Variants in PDGFD observed in about 807,000 individuals in gnomAD.
The protein encoded by PDGFD is platelet-derived growth factor D.
PDGFD carries 30 observed loss-of-function variants against 44.7 expected under a neutral mutation model. The ratio of observed to expected loss-of-function variants is 0.67; its 90% CI spans 0.50 to 0.91. The LOEUF (loss-of-function observed/expected upper bound fraction) is 0.91, where lower values mean the gene tolerates loss of function less well. Among genes scored for constraint, PDGFD ranks in the 40% least tolerant of loss-of-function variants. The pLI is 0.00. For missense variants in PDGFD, 445 were observed against 457.8 expected (o/e 0.97, Z 0.25); for synonymous variants, 173 against 168.4 (o/e 1.03, Z -0.21).
rs1862431766 is a variant in PDGFD, at chr11:104,164,034, G to C, written c.-107C>G. ...CTCTCGCCGCCTGCGCTCGCCCTGC[G>C]CTGGCCCGGGTCGCTGTGCTAATCG... On this transcript the variant is annotated 5_prime_UTR_variant, in exon 1 of 7. Transcript: ENST00000393158. 1 of 1,280,408 alleles carries C rather than the reference G, an allele frequency of 7.8e-7. No homozygotes were observed. 79.3% of individuals were successfully genotyped at this position (1,280,408 alleles called of 1,614,324 possible).
At chr11:104,044,489 T>A (rs989881032) in intron 1 of PDGFD, among the ~76,000 whole-genome samples, 2 of 152,098 alleles carry the variant, frequency 1.3e-5, no homozygotes, top group African/African-American at 2.4e-5. Flanking sequence ...TAAAAAAAGG[T>A]AAAAGTAAAT....
intron 1 of PDGFD, among the ~76,000 whole-genome samples, chr11:104,004,290 T>C (rs1375240392): frequency 6.6e-6 from 1 of 152,154 alleles, no homozygotes; most frequent in African/African-American, 2.4e-5. Context: ...TTCATCAACA[T>C]CAAATTGAAA....
chr11:104,060,839 CTG>C (rs1860702114), intron 1 of PDGFD, among the ~76,000 whole-genome samples: 1 of 152,164 alleles, frequency 6.6e-6, no homozygotes, highest in Non-Finnish European at 1.5e-5. Context: ...TTTTAAAAAA[CTG>C]GAGTAAAATA....
At chr11:103,947,372 A>C (rs1858681640) in intron 4 of PDGFD, among the ~76,000 whole-genome samples, 1 of 152,230 alleles carries the variant, frequency 6.6e-6, no homozygotes, top group Admixed American at 6.5e-5. Context: ...ATGTTTGGAC[A>C]GACCTTTAAT....
intron 1 of PDGFD, among the ~76,000 whole-genome samples, chr11:104,084,732 GAT>G (rs1338414176): frequency 1.7e-5 from 2 of 120,424 alleles, no homozygotes; most frequent in Admixed American, 1.7e-4. Context: ...ATATAATACA[GAT>G]ATATGTAATA....
chr11:104,036,696 G>A (rs1385166228), intron 1 of PDGFD: 1 of 737,174 alleles, frequency 1.4e-6, no homozygotes, highest in African/African-American at 1.8e-5. Flanking sequence ...TCTGAGAGGT[G>A]AATGAGCCCG....
chr11:104,123,170 A>T (rs1333040549), intron 1 of PDGFD, among the ~76,000 whole-genome samples: 1 of 152,106 alleles, frequency 6.6e-6, no homozygotes, highest in Non-Finnish European at 1.5e-5. Flanking sequence ...AGCAAACACA[A>T]AATTAAAATA....
At chr11:103,973,603 T>C (rs1196143208) in intron 3 of PDGFD, among the ~76,000 whole-genome samples, 1 of 152,146 alleles carries the variant, frequency 6.6e-6, no homozygotes, top group African/African-American at 2.4e-5. Flanking sequence ...ATTCATTCTT[T>C]ATTGAGGTTT....
At chr11:104,135,242 G>A (rs11226193) in intron 1 of PDGFD, among the ~76,000 whole-genome samples, 20,943 of 152,238 alleles carry the variant, frequency 0.14, 1,615 homozygotes, top group East Asian at 0.29. Flanking sequence ...TACAGCACCT[G>A]GTATTGGCTG....
chr11:104,085,495 A>C (rs1277423970), intron 1 of PDGFD, among the ~76,000 whole-genome samples: 1 of 152,114 alleles, frequency 6.6e-6, no homozygotes, highest in Non-Finnish European at 1.5e-5. Context: ...ACACTCCTAA[A>C]TATTGATGAC....
chr11:103,947,539 T>G, intron 4 of PDGFD, 123 bp downstream of exon 4: 1 of 721,578 alleles, frequency 1.4e-6, no homozygotes, highest in South Asian at 1.5e-5. Flanking sequence ...GAGAAACACA[T>G]CCTGTTTGAG....
intron 1 of PDGFD, among the ~76,000 whole-genome samples, chr11:104,098,507 CT>C (rs34351974): frequency 0.15 from 20,818 of 140,132 alleles, 1,478 homozygotes; most frequent in South Asian, 0.22. Flanking sequence ...TTCTGTTTCT[CT>C]TTTTTTTTTT....
chr11:104,130,948 T>A (rs1315969762), intron 1 of PDGFD, among the ~76,000 whole-genome samples: 1 of 152,218 alleles, frequency 6.6e-6, no homozygotes, highest in African/African-American at 2.4e-5. Context: ...CCAATTAAAC[T>A]GACACAATAT....
intron 1 of PDGFD, among the ~76,000 whole-genome samples, chr11:104,163,086 C>A (rs1862412727): frequency 6.6e-6 from 1 of 152,170 alleles, no homozygotes; most frequent in Non-Finnish European, 1.5e-5. Context: ...GTTTCAGGAG[C>A]TGTGCTCCTT....
At chr11:104,022,440 T>C (rs1177138219) in intron 1 of PDGFD, among the ~76,000 whole-genome samples, 1 of 152,136 alleles carries the variant, frequency 6.6e-6, no homozygotes, top group African/African-American at 2.4e-5. Context: ...AATGCTTTTG[T>C]AATTATTGTT....
At chr11:103,933,910 A>G (rs1016809090) in intron 5 of PDGFD, among the ~76,000 whole-genome samples, 10 of 152,238 alleles carry the variant, frequency 6.6e-5, no homozygotes, top group Admixed American at 5.9e-4. Context: ...TAACACCATC[A>G]TAAAGCCATT....
chr11:103,913,928 G>A (rs1858071200), intron 6 of PDGFD, among the ~76,000 whole-genome samples: 3 of 151,800 alleles, frequency 2.0e-5, no homozygotes, highest in African/African-American at 7.3e-5. Flanking sequence ...GGACACATAT[G>A]TAGCCTGTAT....
chr11:104,109,197 T>C (rs1440004324), intron 1 of PDGFD, among the ~76,000 whole-genome samples: 1 of 149,534 alleles, frequency 6.7e-6, no homozygotes, highest in Non-Finnish European at 1.5e-5. Context: ...ACTTAAAGTA[T>C]AATTAAAAAA....
chr11:104,119,911 AATT>A (rs1213796779), intron 1 of PDGFD, among the ~76,000 whole-genome samples: 5 of 132,166 alleles, frequency 3.8e-5, no homozygotes, highest in African/African-American at 5.7e-5. Context: ...ATATATAAGC[AATT>A]ATTATATATT....
Sources: gnomAD v4.1 joint callset for allele counts (sites outside exome capture counted in the v4.1 genomes callset) on GRCh38, gnomAD v4.1.1 for gene constraint, MANE v1.5 for transcripts, NCBI Gene and HGNC (gene_info 2026-07-23, HGNC 2026-07-21) for gene names.